SLCO1B1: variants seen among roughly 807,000 people sequenced by gnomAD.
The protein encoded by SLCO1B1 is OATP-2.
Under a neutral mutation model 70.1 loss-of-function variants are expected in SLCO1B1, and 81 were observed. That is an observed-to-expected ratio of 1.16 (90% CI 0.97 to 1.39). The LOEUF is 1.39. SLCO1B1 is among the 40% of genes most tolerant of loss of function. SLCO1B1 has a pLI of 0.00. For synonymous variants in SLCO1B1, 283 were observed against 271.5 expected (o/e 1.04, Z -0.42); for missense variants, 895 against 799.6 (o/e 1.12, Z -1.44).
At chr12:21,141,944 G>A (rs990828301) in intron 2 of SLCO1B1, among the ~76,000 whole-genome samples, 5 of 151,102 alleles carry the variant, frequency 3.3e-5, no homozygotes, top group Non-Finnish European at 7.4e-5. Flanking sequence ...GACATATTTA[G>A]GAATGTGATT....
chr12:21,198,289 A>G (rs1436225669), intron 8 of SLCO1B1, among the ~76,000 whole-genome samples: 2 of 152,126 alleles, frequency 1.3e-5, no homozygotes, highest in African/African-American at 4.8e-5. Flanking sequence ...ACCATGATTT[A>G]TTACCATGGA....
intron 2 of SLCO1B1, among the ~76,000 whole-genome samples, chr12:21,147,963 T>C (rs1337665801): frequency 6.6e-6 from 1 of 152,208 alleles, no homozygotes; most frequent in Non-Finnish European, 1.5e-5. Flanking sequence ...TGACCAGTGA[T>C]GATGAGCTTT....
At chr12:21,140,738 G>T (rs1279605045) in intron 1 of SLCO1B1, among the ~76,000 whole-genome samples, 1 of 151,992 alleles carries the variant, frequency 6.6e-6, no homozygotes, top group Non-Finnish European at 1.5e-5. Context: ...TTTAAGGTAT[G>T]CTACCATTTG....
At chr12:21,150,081 C>G (rs191201267) in intron 2 of SLCO1B1, among the ~76,000 whole-genome samples, 19 of 152,180 alleles carry the variant, frequency 1.2e-4, no homozygotes, top group African/African-American at 3.9e-4. Context: ...AACAAAGCCA[C>G]TAGGAACTGG....
intron 2 of SLCO1B1, among the ~76,000 whole-genome samples, chr12:21,151,252 T>A (rs749704909): frequency 8.5e-5 from 13 of 152,192 alleles, no homozygotes; most frequent in African/African-American, 3.1e-4. Flanking sequence ...TTGTATATGC[T>A]CTCCAACATT....
chr12:21,214,049 C>CCTT (rs572043368), intron 11 of SLCO1B1, among the ~76,000 whole-genome samples: 35 of 152,064 alleles, frequency 2.3e-4, no homozygotes, highest in Non-Finnish European at 1.8e-4. Flanking sequence ...TCGTCTGAAG[C>CCTT]CTTCTCTCAG....
intron 2 of SLCO1B1, among the ~76,000 whole-genome samples, chr12:21,155,728 G>A (rs762988466): frequency 5.1e-4 from 77 of 152,092 alleles, no homozygotes; most frequent in Non-Finnish European, 8.8e-4. Context: ...AATAAATCAC[G>A]TCACTCTGCC....
intron 12 of SLCO1B1, among the ~76,000 whole-genome samples, chr12:21,218,606 A>C (rs1488771183): frequency 6.9e-6 from 1 of 145,126 alleles, no homozygotes; most frequent in African/African-American, 2.5e-5. Context: ...ATCTTAATAT[A>C]AAATGTTGTC....
intron 5 of SLCO1B1, among the ~76,000 whole-genome samples, chr12:21,177,658 G>C (rs577499610): frequency 3.6e-4 from 55 of 152,112 alleles, no homozygotes; most frequent in Middle Eastern, 3.4e-3. Context: ...TACCTACTTA[G>C]TCTGAAATTC....
intron 10 of SLCO1B1, among the ~76,000 whole-genome samples, chr12:21,204,799 G>T (rs576444163): frequency 3.6e-4 from 54 of 151,780 alleles, no homozygotes; most frequent in Non-Finnish European, 6.3e-4. Context: ...TTTATAGACG[G>T]TACCTTCTCA....
intron 7 of SLCO1B1, among the ~76,000 whole-genome samples, chr12:21,184,779 A>G (rs1940944992): frequency 6.6e-6 from 1 of 152,154 alleles, no homozygotes; most frequent in South Asian, 2.1e-4. Context: ...CCCTGAATGT[A>G]AACAGGCTAA....
Position 21,222,372 on chromosome 12 carries a change from GAAAAAAAAAAAA to G in SLCO1B1, c.1747+23_1747+34del, listed in dbSNP as rs4149102. 14 of 24,954 alleles carry G rather than the reference GAAAAAAAAAAAA, an allele frequency of 5.6e-4. No individual in the cohort carries two copies. Among genetic ancestry groups the G allele is most frequent in the South Asian group, 4.6e-3 (8 of 1,728 alleles). 1.5% of individuals were successfully genotyped at this position (24,954 alleles called of 1,614,324 possible). On this transcript the variant is annotated intron_variant, in intron 13 of 14. Transcript: ENST00000256958. ...TGGTTATACGAGCACTAGGTATGAT[GAAAAAAAAAAAA>G]AAAAAAAAAAAAAATATATATATAT...
chr12:21,215,497 T>G (rs968605822), intron 11 of SLCO1B1, among the ~76,000 whole-genome samples: 2 of 152,230 alleles, frequency 1.3e-5, no homozygotes, highest in African/African-American at 4.8e-5. Flanking sequence ...TTGTGTATAC[T>G]GGACCATCCT....
chr12:21,208,543 G>C (rs1055164919), intron 11 of SLCO1B1, among the ~76,000 whole-genome samples: 10 of 152,034 alleles, frequency 6.6e-5, no homozygotes, highest in African/African-American at 1.2e-4. Context: ...TTGCAGTATA[G>C]TTTGATATCA....
chr12:21,216,771 A>C (rs1941362508), intron 11 of SLCO1B1, among the ~76,000 whole-genome samples: 1 of 152,174 alleles, frequency 6.6e-6, no homozygotes, highest in South Asian at 2.1e-4. Context: ...TGTCCAAAAG[A>C]GTATGTGCTC....
intron 2 of SLCO1B1, among the ~76,000 whole-genome samples, chr12:21,151,066 C>A (rs1315932704): frequency 6.6e-6 from 1 of 152,118 alleles, no homozygotes; most frequent in Non-Finnish European, 1.5e-5. Context: ...GATATTATAG[C>A]CTACTACACA....
At chr12:21,194,161 G>T (rs981036997) in intron 7 of SLCO1B1, among the ~76,000 whole-genome samples, 4 of 151,128 alleles carry the variant, frequency 2.6e-5, no homozygotes, top group Non-Finnish European at 5.9e-5. Context: ...CAAGTACTTT[G>T]CCCGACACCA....
chr12:21,174,445 T>A, intron 3 of SLCO1B1, 132 bp from the exon 4 acceptor site: 1 of 844,478 alleles, frequency 1.2e-6, no homozygotes. Flanking sequence ...GAATTCACCT[T>A]CTCAATTAAA....
In SLCO1B1 at chr12:21,196,934, T is replaced by A. The variant is rs927005981; in HGVS notation, c.728-12T>A. The stretch of plus-strand genomic sequence containing the variant: ...ATGATTTTTGACTGGCTTCTATAAT[T>A]ATTTATTCTAGGCACTATCAGGATA... On this transcript the variant is annotated splice_polypyrimidine_tract_variant and intron_variant, in intron 7 of 14. Coordinates refer to ENST00000256958, the MANE Select transcript of SLCO1B1 (RefSeq NM_006446.5). 1 of 1,612,718 alleles carries A rather than the reference T, an allele frequency of 6.2e-7. No homozygotes were observed. Among genetic ancestry groups the A allele is most frequent in the Non-Finnish European group, 8.5e-7 (1 of 1,178,992 alleles).
Sources: allele counts gnomAD v4.1 joint callset (sites outside exome capture counted in the v4.1 genomes callset), GRCh38; gene constraint gnomAD v4.1.1; transcripts MANE v1.5; gene names NCBI Gene and HGNC (gene_info 2026-07-23, HGNC 2026-07-21).